SPATA9: variants seen among roughly 807,000 people sequenced by gnomAD.
SPATA9 encodes spermatogenesis associated 9, also known as spermatogenesis-associated protein 9.
A neutral mutation model predicts 25.5 loss-of-function variants in SPATA9; 27 were observed. The observed-to-expected ratio is 1.06, with a 90% CI of 0.78 to 1.46. The LOEUF is 1.46. Among genes scored for constraint, SPATA9 ranks in the 40% most tolerant of loss-of-function variants. The probability of loss-of-function intolerance (pLI) is 0.00; values close to 1 mark genes in which losing one functional copy is unlikely to be tolerated. For synonymous variants in SPATA9, 102 were observed against 105.7 expected (o/e 0.97, Z 0.21); for missense variants, 282 against 297.5 (o/e 0.95, Z 0.38).
chr5:95,676,285 G>A (rs1323886897), intron 2 of SPATA9, among the ~76,000 whole-genome samples: 1 of 151,968 alleles, frequency 6.6e-6, no homozygotes, highest in Non-Finnish European at 1.5e-5. Flanking sequence ...GGTTTTTGGG[G>A]AACAGCTGGT....
At chr5:95,712,466 C>T in the SPATA9 span, among the ~76,000 whole-genome samples, 1 of 152,192 alleles carries the variant, frequency 6.6e-6, no homozygotes, top group African/African-American at 2.4e-5. Context: ...GGCACACTCA[C>T]TTCTGTACCC....
chr5:95,724,073 G>A, the SPATA9 span, among the ~76,000 whole-genome samples: 1 of 152,120 alleles, frequency 6.6e-6, no homozygotes. Context: ...CCTCTCAAAA[G>A]TTATTGTGAA....
chr5:95,700,084 G>A (rs1368028244), upstream of SPATA9, among the ~76,000 whole-genome samples: 1 of 151,716 alleles, frequency 6.6e-6, no homozygotes, highest in Non-Finnish European at 1.5e-5. Context: ...TATTAACAGG[G>A]AGTCATGAGG....
At chr5:95,683,819 G>A (rs887403103), upstream of SPATA9, among the ~76,000 whole-genome samples, 7 of 152,128 alleles carry the variant, frequency 4.6e-5, no homozygotes, top group Non-Finnish European at 1.0e-4. Context: ...TTACAGATGT[G>A]AGCCACCACG....
the SPATA9 span, chr5:95,717,745 A>C: frequency 6.6e-6 from 1 of 152,270 alleles, no homozygotes; most frequent in Non-Finnish European, 1.5e-5. Context: ...TGGAGGGACA[A>C]ACAAAGGGTT....
upstream of SPATA9, among the ~76,000 whole-genome samples, chr5:95,702,215 AACAC>A (rs33913076): frequency 3.1e-3 from 474 of 151,254 alleles, no homozygotes; most frequent in South Asian, 5.2e-3. Flanking sequence ...GCAAAACCAA[AACAC>A]ACACACACAC....
chr5:95,731,849 G>A, the SPATA9 span: 13 of 1,608,312 alleles, frequency 8.1e-6, no homozygotes, highest in African/African-American at 1.3e-4. Context: ...CGCCCCCTCT[G>A]TCCGTGCAGG....
At chr5:95,726,739 A>G in the SPATA9 span, among the ~76,000 whole-genome samples, 2,946 of 152,280 alleles carry the variant, frequency 0.019, 57 homozygotes, top group Non-Finnish European at 0.027. Context: ...CTGTAACAGT[A>G]GTTTACTTAA....
At chr5:95,727,788 A>T in the SPATA9 span, among the ~76,000 whole-genome samples, 1 of 152,250 alleles carries the variant, frequency 6.6e-6, no homozygotes, top group Non-Finnish European at 1.5e-5. Context: ...ACCATCTGTG[A>T]TATTCTTTTA....
At chr5:95,660,462 CTTATAA>C (rs1231397180) in intron 4 of SPATA9, among the ~76,000 whole-genome samples, 1 of 152,174 alleles carries the variant, frequency 6.6e-6, no homozygotes, top group East Asian at 1.9e-4. Context: ...TAACTCCCAA[CTTATAA>C]TTAAGATATT....
At chr5:95,719,767 G>A in the SPATA9 span, 16 of 152,142 alleles carry the variant, frequency 1.1e-4, no homozygotes, top group Admixed American at 2.0e-4. Context: ...TTCCTAAATG[G>A]CTGAACCTGC....
At chr5:95,684,249 A>G (rs1450100590), upstream of SPATA9, among the ~76,000 whole-genome samples, 1 of 152,226 alleles carries the variant, frequency 6.6e-6, no homozygotes, top group Non-Finnish European at 1.5e-5. Flanking sequence ...CTGGGAGTCT[A>G]TGAGATAATG....
upstream of SPATA9, among the ~76,000 whole-genome samples, chr5:95,700,793 C>G (rs1380436363): frequency 1.3e-5 from 2 of 152,166 alleles, no homozygotes; most frequent in Non-Finnish European, 1.5e-5. Context: ...TGCTATAAAC[C>G]ACTGACTTGA....
intron 3 of SPATA9, chr5:95,670,856 A>G (rs1752308012): frequency 4.1e-6 from 4 of 985,312 alleles, no homozygotes; most frequent in African/African-American, 1.7e-5. Flanking sequence ...CATTGTCCTC[A>G]TAGTCAGTTC....
chr5:95,687,746 G>A (rs73149647), upstream of SPATA9, among the ~76,000 whole-genome samples: 2,494 of 152,284 alleles, frequency 0.016, 69 homozygotes, highest in African/African-American at 0.057. Context: ...AGGTTTGGGA[G>A]TTGCTGAGAG....
downstream of SPATA9, chr5:95,655,824 A>T: frequency 2.1e-6 from 1 of 482,918 alleles, no homozygotes; most frequent in South Asian, 3.7e-5. Context: ...TGAGCATGTC[A>T]GTCTTCTGAT....
chr5:95,665,731 T>C (rs1471049665), intron 3 of SPATA9, among the ~76,000 whole-genome samples: 1 of 152,206 alleles, frequency 6.6e-6, no homozygotes, highest in Non-Finnish European at 1.5e-5. Context: ...TCCCAGCCCT[T>C]TGGGAGACCA....
chr5:95,690,758 T>C (rs949696215), intron 1 of SPATA9, among the ~76,000 whole-genome samples: 1 of 152,212 alleles, frequency 6.6e-6, no homozygotes, highest in Non-Finnish European at 1.5e-5. Context: ...CCCAGAAATA[T>C]AGGAGATAGA....
chr5:95,722,219 A>C, the SPATA9 span, among the ~76,000 whole-genome samples: 1 of 152,174 alleles, frequency 6.6e-6, no homozygotes, highest in African/African-American at 2.4e-5. Context: ...GGAGTGCAGG[A>C]GATGGGGAAG....
Sources: gnomAD v4.1 joint callset for allele counts (sites outside exome capture counted in the v4.1 genomes callset) on GRCh38, gnomAD v4.1.1 for gene constraint, MANE v1.5 for transcripts, NCBI Gene and HGNC (gene_info 2026-07-23, HGNC 2026-07-21) for gene names.